The following LRP2 variants were observed in gnomAD, a reference collection of about 807,000 sequenced individuals.
The protein encoded by LRP2 is LDL receptor related protein 2.
Under a neutral mutation model 531.0 loss-of-function variants are expected in LRP2, and 172 were observed. That is an observed-to-expected ratio of 0.32 (90% CI 0.29 to 0.37). The LOEUF is 0.37. Ranked by LOEUF, LRP2 falls within the 10% of genes least tolerant of loss-of-function variation. LRP2 has a pLI of 1.00. For synonymous variants in LRP2, 1,992 were observed against 2,027.6 expected (o/e 0.98, Z 0.47); for missense variants, 5,167 against 5,868.3 (o/e 0.88, Z 3.90).
intron 50 of LRP2, among the ~76,000 whole-genome samples, chr2:169,183,768 G>A (rs1199536240): frequency 6.6e-6 from 1 of 152,184 alleles, no homozygotes; most frequent in Non-Finnish European, 1.5e-5. Flanking sequence ...CGTAATGGTG[G>A]TTTAAAAAGT....
rs1241577168 is a variant in LRP2, at chr2:169,294,316, C to T, written c.539-55G>A. ...AAGAGAGAAGTTAACTCCATTGTAG[C>T]CATTTAATCTCAAAGGAAGAGCATC... On this transcript the variant is annotated intron_variant, in intron 5 of 78. Coordinates refer to ENST00000649046, the MANE Select transcript of LRP2 (RefSeq NM_004525.3). The T allele has an allele frequency of 4.8e-6, 5 of 1,038,368 alleles. No homozygotes were observed. In the Admixed American group the frequency reaches 5.1e-5, roughly 11 times the overall value. 64.3% of individuals were successfully genotyped at this position (1,038,368 alleles called of 1,614,324 possible).
At chr2:169,170,921 GTTTTTTTT>G (rs57451386) in intron 58 of LRP2, among the ~76,000 whole-genome samples, 3 of 91,864 alleles carry the variant, frequency 3.3e-5, no homozygotes, top group East Asian at 3.3e-4. Context: ...CTCTCTCTCT[GTTTTTTTT>G]TTTTTTTTTT....
chr2:169,208,994 G>T (rs541438019), intron 38 of LRP2, among the ~76,000 whole-genome samples: 80 of 152,234 alleles, frequency 5.3e-4, no homozygotes, highest in African/African-American at 1.8e-3. Context: ...AATATCTCAT[G>T]ATCTAAGGGA....
intron 53 of LRP2, 140 bp downstream of exon 53, chr2:169,177,663 C>T: frequency 1.2e-6 from 1 of 803,182 alleles, no homozygotes; most frequent in South Asian, 1.4e-5. Flanking sequence ...TGCCTACTGT[C>T]AACTTTCAGC....
In LRP2 at chr2:169,210,320, C is replaced by T. The variant is rs191064775; in HGVS notation, c.6281-679G>A. The stretch of plus-strand genomic sequence containing the variant: ...CCAAAATTAAGAAGGAAAAAAAATA[C>T]AGCTTTAAAAAGCAGCAGTGTAGCA... On this transcript the variant is annotated intron_variant, in intron 37 of 78. Coordinates refer to ENST00000649046, the MANE Select transcript of LRP2 (RefSeq NM_004525.3). 1.4e-3 allele frequency among the ~76,000 whole-genome samples: 219 copies of T among 152,230 alleles called. 1 individual carries two copies. The highest frequency in any genetic ancestry group is 4.5e-3 in the African/African-American group (188 of 41,542).
At chr2:169,298,939 G>A (rs1684200163) in intron 4 of LRP2, among the ~76,000 whole-genome samples, 1 of 151,530 alleles carries the variant, frequency 6.6e-6, no homozygotes, top group African/African-American at 2.4e-5. Flanking sequence ...AGGGAATGCA[G>A]TAATATACAA....
intron 1 of LRP2, among the ~76,000 whole-genome samples, chr2:169,345,136 A>G (rs1685663935): frequency 6.6e-6 from 1 of 152,214 alleles, no homozygotes; most frequent in Non-Finnish European, 1.5e-5. Context: ...GAAAACATCA[A>G]CTAATCATTT....
intron 33 of LRP2, among the ~76,000 whole-genome samples, chr2:169,221,045 G>T (rs555157197): frequency 4.7e-4 from 72 of 152,230 alleles, no homozygotes; most frequent in African/African-American, 1.7e-3. Flanking sequence ...TCTGTTCCAA[G>T]TCAACAAACT....
intron 76 of LRP2, among the ~76,000 whole-genome samples, chr2:169,135,538 C>T (rs1342459837): frequency 6.6e-6 from 1 of 152,278 alleles, no homozygotes; most frequent in African/African-American, 2.4e-5. Context: ...TTCTCAGGCT[C>T]TTGGTATTCA....
At position 169,307,288 on chromosome 2, in the gene LRP2, A is replaced by C. The variant is rs1406150451; in HGVS notation, c.420T>G (p.Asn140Lys). ...GGACTAAAACAGACTCACGGCAGTC[A>C]TTCTCATCAGCTCCATCGGGGCAGT... Reference protein sequence around the residue: ...VRDCPDGADENDCQYPTCEQL... With the variant: ...VRDCPDGADEKDCQYPTCEQL... Residue 140 changes from asparagine (N) to lysine (K), a missense_variant, in exon 4 of 79, where the codon AAT becomes AAG. Asn to Lys is a moderately conservative substitution (Grantham distance 94). Transcript: ENST00000649046. 6.2e-7 allele frequency: 1 copy of C among 1,610,472 alleles called. No individual in the cohort carries two copies. Among genetic ancestry groups the C allele is most frequent in the Non-Finnish European group, 8.5e-7 (1 of 1,176,626 alleles).
chr2:169,254,320 A>G (rs2105401961), intron 19 of LRP2, among the ~76,000 whole-genome samples: 1 of 84,246 alleles, frequency 1.2e-5, no homozygotes, highest in Non-Finnish European at 2.2e-5. Context: ...GCCATAAAAA[A>G]TGATGAGTTC....
intron 65 of LRP2, among the ~76,000 whole-genome samples, chr2:169,155,535 A>C (rs1489023068): frequency 1.3e-5 from 2 of 152,214 alleles, no homozygotes; most frequent in Non-Finnish European, 2.9e-5. Flanking sequence ...TTACAAAATA[A>C]AGTGCTATTT....
rs1688346554 is a variant in LRP2 at position 169,205,544 on chromosome 2, C to G, written c.7650G>C (p.Leu2550=). The G allele has an allele frequency of 6.2e-7, 1 of 1,614,116 alleles. No homozygotes were observed. The stretch of plus-strand genomic sequence containing the variant: ...CCAGAGTCAGCCCACTGGGCATGAC[C>G]AGACTGCTGTTCACAATGGGTACGC... ...NFRVPIVNSS[L]VMPSGLTLDY... is the part of the protein sequence containing the mutation. Residue 2550 remains leucine, a synonymous_variant, in exon 41 of 79, where the codon CTG becomes CTC. Transcript: ENST00000649046.
In LRP2 at chr2:169,140,444, T is replaced by A; in HGVS notation, c.13199+11A>T. Reference sequence around the variant, plus strand: ...AAGGCCTATAGCTGGGACCTCAACATTCAGACTTACTTGCATTTGGGGAGG... The same window carrying A: ...AAGGCCTATAGCTGGGACCTCAACAATCAGACTTACTTGCATTTGGGGAGG... On this transcript the variant is annotated intron_variant, in intron 72 of 78. Transcript: ENST00000649046. The A allele has an allele frequency of 5.6e-6, 9 of 1,610,990 alleles. No individual in the cohort carries two copies. Among genetic ancestry groups the A allele is most frequent in the Non-Finnish European group, 7.6e-6 (9 of 1,177,132 alleles).
intron 35 of LRP2, among the ~76,000 whole-genome samples, chr2:169,215,175 T>A (rs952350983): frequency 1.3e-5 from 2 of 152,142 alleles, no homozygotes; most frequent in African/African-American, 4.8e-5. Context: ...CCATTATAGG[T>A]CCATATTCGG....
intron 67 of LRP2, among the ~76,000 whole-genome samples, chr2:169,151,634 G>A (rs1037737957): frequency 1.3e-5 from 2 of 152,258 alleles, no homozygotes; most frequent in African/African-American, 4.8e-5. Context: ...TTCCACTTCT[G>A]AGGCTGCAGG....
chr2:169,173,942 G>C lies in LRP2; in HGVS notation c.10991C>G (p.Ser3664Trp), dbSNP rs768603773. The C allele has an allele frequency of 6.2e-7, 1 of 1,614,132 alleles. No individual in the cohort carries two copies. Among genetic ancestry groups the C allele is most frequent in the Non-Finnish European group, 8.5e-7 (1 of 1,180,020 alleles). The change falls in exon 56 of 79, where the codon TCG becomes TGG. Residue 3664 changes from serine to tryptophan, a missense_variant. Physicochemically the swap from Ser to Trp is radical, Grantham distance 177 (BLOSUM62 -3). This residue lies in a region of LRP2 where 311 missense variants were observed against 309.4 expected (regional missense o/e 1.01). Coordinates refer to ENST00000649046, the MANE Select transcript of LRP2 (RefSeq NM_004525.3). Reference protein sequence around the residue: ...CDVDNDCGDHSDEPIEECMSS... With the variant: ...CDVDNDCGDHWDEPIEECMSS... The stretch of plus-strand genomic sequence containing the variant: ...ACTGCATTCTTCAATGGGCTCATCC[G>C]AGTGGTCTCCACAATCATTATCCAC...
chr2:169,233,777 T>C (rs2105372006), intron 29 of LRP2, among the ~76,000 whole-genome samples, 189 bp from the exon 30 acceptor site: 1 of 152,324 alleles, frequency 6.6e-6, no homozygotes, highest in South Asian at 2.1e-4. Flanking sequence ...ACTAAACCAT[T>C]CAAGAGCCTT....
At chr2:169,229,447 G>C (rs1170597742) in intron 31 of LRP2, among the ~76,000 whole-genome samples, 2 of 152,144 alleles carry the variant, frequency 1.3e-5, no homozygotes, top group African/African-American at 2.4e-5. Context: ...GCAAGGACAA[G>C]GAGTGTTCTC....
Sources: allele counts gnomAD v4.1 joint callset (sites outside exome capture counted in the v4.1 genomes callset), GRCh38; gene constraint gnomAD v4.1.1; regional missense constraint gnomAD v4.1.1; transcripts MANE v1.5; gene names NCBI Gene and HGNC (gene_info 2026-07-23, HGNC 2026-07-21).